NAALADL2: variants seen among roughly 807,000 people sequenced by gnomAD.
NAALADL2 encodes the protein inactive N-acetylated-alpha-linked acidic dipeptidase-like protein 2.
In NAALADL2, 76 loss-of-function variants were observed where a neutral mutation model predicts 87.2. The ratio of observed to expected loss-of-function variants is 0.87; its 90% confidence interval spans 0.72 to 1.05. NAALADL2 has a LOEUF of 1.05. Among genes scored for constraint, NAALADL2 ranks in the 50% least tolerant of loss-of-function variants. The pLI is 0.00. For synonymous variants in NAALADL2, 354 were observed against 331.0 expected, an observed-to-expected ratio of 1.07 and a Z score of -0.75; for missense variants, 1,089 against 945.8, an observed-to-expected ratio of 1.15 and a Z score of -1.99.
At chr3:174,915,623 CAAAA>C (rs931448600) in intron 1 of NAALADL2, among the ~76,000 whole-genome samples, 1 of 151,894 alleles carries the variant, frequency 6.6e-6, no homozygotes, top group South Asian at 2.1e-4. Flanking sequence ...GAGAGGAAAA[CAAAA>C]TAAGTCAGTT....
At chr3:174,703,312 T>C (rs1241973033) in intron 2 of NAALADL2, among the ~76,000 whole-genome samples, 2 of 151,780 alleles carry the variant, frequency 1.3e-5, no homozygotes, top group Non-Finnish European at 2.9e-5. Context: ...GCTTTTTTTT[T>C]TTTTTTGTAG....
intron 11 of NAALADL2, among the ~76,000 whole-genome samples, chr3:175,731,751 C>A (rs1455060975): frequency 6.6e-6 from 1 of 152,124 alleles, no homozygotes; most frequent in Non-Finnish European, 1.5e-5. Flanking sequence ...GGCTTATATT[C>A]CAGTGTTCAA....
intron 3 of NAALADL2, among the ~76,000 whole-genome samples, chr3:174,754,472 T>C (rs1704116433): frequency 6.6e-6 from 1 of 151,110 alleles, no homozygotes; most frequent in Non-Finnish European, 1.5e-5. Flanking sequence ...CTATCTTTTT[T>C]TTTTTTTTTT....
chr3:175,065,063 C>T (rs1714295076), intron 1 of NAALADL2, among the ~76,000 whole-genome samples: 1 of 151,764 alleles, frequency 6.6e-6, no homozygotes, highest in Non-Finnish European at 1.5e-5. Context: ...GTCTTCTAAC[C>T]AACATTTAAA....
At chr3:175,129,478 C>T (rs1288384186) in intron 2 of NAALADL2, among the ~76,000 whole-genome samples, 2 of 152,184 alleles carry the variant, frequency 1.3e-5, no homozygotes, top group African/African-American at 4.8e-5. Flanking sequence ...CCATTCCCCA[C>T]CCCTGTCCAG....
intron 2 of NAALADL2, among the ~76,000 whole-genome samples, chr3:174,616,679 G>GAA (rs1331813771): frequency 6.6e-6 from 1 of 151,764 alleles, no homozygotes; most frequent in Non-Finnish European, 1.5e-5. Flanking sequence ...GTCTATTTGG[G>GAA]AACAGCTAAA....
intron 12 of NAALADL2, among the ~76,000 whole-genome samples, chr3:175,743,527 A>G (rs1472952175): frequency 6.6e-6 from 1 of 152,242 alleles, no homozygotes; most frequent in African/African-American, 2.4e-5. Context: ...GGATGTACAT[A>G]AAGGATGTAT....
intron 1 of NAALADL2, among the ~76,000 whole-genome samples, chr3:174,446,974 A>C (rs1348732473): frequency 6.6e-6 from 1 of 152,050 alleles, no homozygotes; most frequent in Non-Finnish European, 1.5e-5. Context: ...TAATTTTGCT[A>C]GAGTTTTGGA....
chr3:174,849,748 A>T (rs917356843), intron 3 of NAALADL2, among the ~76,000 whole-genome samples: 4 of 151,314 alleles, frequency 2.6e-5, no homozygotes, highest in African/African-American at 9.7e-5. Context: ...AAAAAAAAAA[A>T]AAAAAAAAAA....
chr3:175,071,134 C>A lies in NAALADL2; in HGVS notation c.44-25656C>A, dbSNP rs115343785. Among the ~76,000 whole-genome samples the A allele has an allele frequency of 5.8e-3, 888 of 152,036 alleles. 4 individuals are homozygous for A. The highest frequency in any genetic ancestry group is 0.021 in the African/African-American group (856 of 41,392). On this transcript the variant is annotated intron_variant, in intron 1 of 13. Coordinates refer to ENST00000454872, the MANE Select transcript of NAALADL2 (RefSeq NM_207015.3). ...AGTTAGTGCACTGCAGGGGCAAGCACAAACACTGACTCACTTTCTAGGTAA... is the reference window on the plus strand; with the variant it reads ...AGTTAGTGCACTGCAGGGGCAAGCAAAAACACTGACTCACTTTCTAGGTAA...
chr3:174,468,794 C>T (rs1282401431), intron 1 of NAALADL2, among the ~76,000 whole-genome samples: 4 of 147,156 alleles, frequency 2.7e-5, no homozygotes, highest in Non-Finnish European at 6.0e-5. Context: ...CGGAGTCTCA[C>T]TCTTGTCACC....
At chr3:175,700,651 G>T (rs978480622) in intron 11 of NAALADL2, among the ~76,000 whole-genome samples, 1 of 151,966 alleles carries the variant, frequency 6.6e-6, no homozygotes, top group Non-Finnish European at 1.5e-5. Context: ...TGGGATCATT[G>T]GTTTTTAGAG....
chr3:174,498,956 T>C (rs1349325706), intron 1 of NAALADL2, among the ~76,000 whole-genome samples: 1 of 152,058 alleles, frequency 6.6e-6, no homozygotes, highest in Non-Finnish European at 1.5e-5. Context: ...ATAGGGTAAG[T>C]CCAGAACAGT....
At chr3:175,708,269 A>G (rs1197216943) in intron 11 of NAALADL2, among the ~76,000 whole-genome samples, 1 of 152,094 alleles carries the variant, frequency 6.6e-6, no homozygotes, top group African/African-American at 2.4e-5. Context: ...ATGAGGGCAT[A>G]TTATTAGACT....
Position 175,317,094 on chromosome 3 carries a change from T to A in NAALADL2, c.940-7081T>A, listed in dbSNP as rs867990512. Among the ~76,000 whole-genome samples, 4 of 152,084 alleles carry A rather than the reference T, an allele frequency of 2.6e-5. No homozygotes were observed. In the South Asian group the frequency reaches 8.3e-4, roughly 31 times the overall value. On this transcript the variant is annotated intron_variant, in intron 4 of 13. Transcript: ENST00000454872. ...ATCTCTAGCCAAAAATAGTATATGA[T>A]TACACCCTATTGCTTAATTATAGGC...
chr3:175,440,887 G>T (rs1415365737), intron 5 of NAALADL2, among the ~76,000 whole-genome samples: 2 of 151,972 alleles, frequency 1.3e-5, no homozygotes, highest in African/African-American at 4.8e-5. Context: ...TCTTTCTCTT[G>T]TCTGATTGCT....
chr3:175,276,381 C>T (rs1244215643), intron 4 of NAALADL2, among the ~76,000 whole-genome samples: 6 of 150,072 alleles, frequency 4.0e-5, no homozygotes, highest in Non-Finnish European at 5.9e-5. Context: ...CTCACTGCAA[C>T]CTCCACCTCC....
At chr3:175,592,302 CTTTTCTTTTTTT>C (rs752353484) in intron 10 of NAALADL2, among the ~76,000 whole-genome samples, 132 of 140,296 alleles carry the variant, frequency 9.4e-4, no homozygotes, top group Middle Eastern at 3.6e-3. Context: ...TTTTCTTTTT[CTTTTCTTTTTTT>C]TTTTTTTTTT....
intron 1 of NAALADL2, among the ~76,000 whole-genome samples, chr3:175,007,765 G>C (rs536865104): frequency 1.3e-5 from 2 of 152,038 alleles, no homozygotes; most frequent in South Asian, 2.1e-4. Context: ...TTTATACTAC[G>C]AAAAGGTTTA....
Sources: allele counts gnomAD v4.1 joint callset (sites outside exome capture counted in the v4.1 genomes callset), GRCh38; gene constraint gnomAD v4.1.1; transcripts MANE v1.5; gene names NCBI Gene and HGNC (gene_info 2026-07-23, HGNC 2026-07-21).